RBM26: variants seen among roughly 807,000 people sequenced by gnomAD.
RBM26 encodes the protein RNA-binding protein 26.
In RBM26, 30 loss-of-function variants were observed where a neutral mutation model predicts 123.6. The ratio of observed to expected loss-of-function variants is 0.24; its 90% CI spans 0.18 to 0.33. RBM26 has a LOEUF of 0.33. RBM26 is among the 10% of genes least tolerant of loss of function. The pLI is 1.00. For synonymous variants in RBM26, 400 were observed against 404.4 expected, an observed-to-expected ratio of 0.99 and a Z score of 0.13; for missense variants, 947 against 1,203.6, an observed-to-expected ratio of 0.79 and a Z score of 3.15.
At chr13:79,382,674 T>C (rs1180422117) in intron 1 of RBM26, among the ~76,000 whole-genome samples, 1 of 152,076 alleles carries the variant, frequency 6.6e-6, no homozygotes. Context: ...AGCACTTTAG[T>C]AAACGGTTAA....
Position 79,405,862 on chromosome 13 carries a change from G to T in RBM26, c.-88C>A. The T allele has an allele frequency of 1.3e-6, 1 of 765,990 alleles. No individual in the cohort carries two copies. The allele number at this position is 765,990 out of a possible 1,614,324, so 47.4% of individuals were successfully genotyped here. On this transcript the variant is annotated 5_prime_UTR_variant, in exon 1 of 22. Coordinates refer to ENST00000438737, the MANE Select transcript of RBM26 (RefSeq NM_001366735.2). Reference sequence around the variant, plus strand: ...CCGCTGCCCCCGCCCCCTCCTCCGCGCGCCGCCCGCGTGGGCCGCGGTGGG... The same window carrying T: ...CCGCTGCCCCCGCCCCCTCCTCCGCTCGCCGCCCGCGTGGGCCGCGGTGGG...
At chr13:79,345,956 T>G (rs2072261859) in intron 14 of RBM26, among the ~76,000 whole-genome samples, 1 of 152,234 alleles carries the variant, frequency 6.6e-6, no homozygotes, top group African/African-American at 2.4e-5. Flanking sequence ...TAGGAATCCC[T>G]GTAGGGTGAT....
At chr13:79,312,537 C>T (rs888490104) in exon 5 of RBM26, 4 of 151,932 alleles carry the variant, frequency 2.6e-5, no homozygotes, top group Non-Finnish European at 5.9e-5. Context: ...GAGTGACAGA[C>T]ATGGGAATTT....
At chr13:79,324,666 T>A (rs1391036931) in intron 20 of RBM26, among the ~76,000 whole-genome samples, 1 of 151,900 alleles carries the variant, frequency 6.6e-6, no homozygotes, top group Non-Finnish European at 1.5e-5. Context: ...TTTATGAATA[T>A]CGTGCCATAC....
At chr13:79,384,014 T>C (rs142877892) in intron 1 of RBM26, among the ~76,000 whole-genome samples, 134 of 152,236 alleles carry the variant, frequency 8.8e-4, no homozygotes, top group African/African-American at 3.2e-3. Flanking sequence ...TTGACCTTCT[T>C]GACACATATG....
chr13:79,348,572 C>T (rs1004928377), intron 14 of RBM26, among the ~76,000 whole-genome samples: 1 of 152,020 alleles, frequency 6.6e-6, no homozygotes, highest in African/African-American at 2.4e-5. Flanking sequence ...GCCACACTCA[C>T]AATAAATAGC....
intron 8 of RBM26, 51 bp downstream of exon 8, chr13:79,366,003 CT>C: frequency 1.3e-6 from 2 of 1,512,606 alleles, no homozygotes; most frequent in Non-Finnish European, 1.8e-6. Context: ...TTTTAAAATT[CT>C]TCATCTAAAA....
At position 79,370,999 on chromosome 13, in the gene RBM26, C is replaced by G; in HGVS notation, c.580G>C (p.Glu194Gln). Residue 194 changes from glutamate (E) to glutamine (Q), a missense_variant, in exon 5 of 22, where the codon GAG (glutamate) becomes CAG (glutamine). Coordinates refer to ENST00000438737, the MANE Select transcript of RBM26 (RefSeq NM_001366735.2). Reference sequence around the variant, plus strand: ...GTCCTGCTTCTATCTCTGTCCCTCTCACGAAGCCTCTCTTTACTCCAACTT... The same window carrying G: ...GTCCTGCTTCTATCTCTGTCCCTCTGACGAAGCCTCTCTTTACTCCAACTT... ...SRSWSKERLR[E>Q]RDRDRSRTRS... The G allele has an allele frequency of 1.3e-6, 2 of 1,596,056 alleles. No homozygotes were observed. The highest frequency in any genetic ancestry group is 1.7e-6 in the Non-Finnish European group (2 of 1,163,512).
chr13:79,365,901 T>C, intron 8 of RBM26, 154 bp downstream of exon 8: 3 of 974,962 alleles, frequency 3.1e-6, no homozygotes, highest in South Asian at 1.9e-5. Context: ...TTTGAAAACA[T>C]TCAAAACTGA....
intron 16 of RBM26, among the ~76,000 whole-genome samples, chr13:79,343,804 T>C (rs2071835131): frequency 6.6e-6 from 1 of 152,092 alleles, no homozygotes; most frequent in South Asian, 2.1e-4. Context: ...AGATCTAGTG[T>C]ATATTTTACA....
chr13:79,337,371 G>C, intron 18 of RBM26, 69 bp from the exon 19 acceptor site: 1 of 1,535,616 alleles, frequency 6.5e-7, no homozygotes, highest in South Asian at 1.1e-5. Flanking sequence ...ATTACACTCT[G>C]GCAGATGAAT....
At chr13:79,326,818 T>A (rs2068493542) in intron 20 of RBM26, among the ~76,000 whole-genome samples, 1 of 152,018 alleles carries the variant, frequency 6.6e-6, no homozygotes, top group African/African-American at 2.4e-5. Flanking sequence ...AATCTTACTT[T>A]TGAAAATCAT....
intron 1 of RBM26, among the ~76,000 whole-genome samples, chr13:79,381,876 GA>G (rs2077097384): frequency 1.3e-5 from 1 of 78,650 alleles, no homozygotes; most frequent in South Asian, 5.7e-4. Context: ...TTGAAAGGCA[GA>G]TGACTTTTTA....
Position 79,373,556 on chromosome 13 carries a change from CTA to C in RBM26, c.328-1628_328-1627del, listed in dbSNP as rs1444246585. Among the ~76,000 whole-genome samples the C allele has an allele frequency of 7.9e-4, 77 of 97,642 alleles. 1 individual carries two copies. Among genetic ancestry groups the C allele is most frequent in the Middle Eastern group, 7.2e-3 (1 of 138 alleles). The allele number at this position is 97,642 out of a possible 152,430, so 64.1% of individuals were successfully genotyped here. On this transcript the variant is annotated intron_variant, in intron 3 of 21. Coordinates refer to ENST00000438737, the MANE Select transcript of RBM26 (RefSeq NM_001366735.2). Reference sequence around the variant, plus strand: ...ATTTATATAATATATTTATATATTACTATATATATTTATATAATATATTTATA... The same window carrying C: ...ATTTATATAATATATTTATATATTACTATATATTTATATAATATATTTATA...
downstream of RBM26, among the ~76,000 whole-genome samples, chr13:79,316,192 G>GGGGTGTGTGTGT (rs1258977045): frequency 9.2e-5 from 13 of 141,998 alleles, no homozygotes; most frequent in South Asian, 2.4e-4. Context: ...AAGTGGGGCA[G>GGGGTGTGTGTGT]GTGTGTGTGT....
intron 1 of RBM26, among the ~76,000 whole-genome samples, chr13:79,393,098 A>G (rs1181332095): frequency 6.6e-6 from 1 of 152,224 alleles, no homozygotes; most frequent in Non-Finnish European, 1.5e-5. Flanking sequence ...AAGAACTACA[A>G]GAGATTACCA....
In RBM26 at chr13:79,368,825, G is replaced by T. The variant is rs769596347; in HGVS notation, c.800C>A (p.Thr267Asn). 6.2e-7 allele frequency: 1 copy of T among 1,613,824 alleles called. No individual in the cohort carries two copies. The highest frequency in any genetic ancestry group is 8.5e-7 in the Non-Finnish European group (1 of 1,179,728). The change falls in exon 6 of 22, where the codon ACT (threonine) becomes AAT (asparagine). Residue 267 changes from threonine to asparagine, a missense_variant. Transcript: ENST00000438737. ...VIAPTHHGNN[T>N]TESWSEFHED... ...ATGAAATTCAGACCAACTTTCGGTA[G>T]TGTTGTTTCCATGATGAGTAGGAGC...
intron 20 of RBM26, among the ~76,000 whole-genome samples, chr13:79,332,542 A>G (rs1312512362): frequency 6.6e-6 from 1 of 152,204 alleles, no homozygotes; most frequent in East Asian, 1.9e-4. Flanking sequence ...ATGCTTTAAC[A>G]ACTTTTGTAA....
At chr13:79,397,680 C>CAAAAAAAAAAAAAAA (rs561587209) in intron 1 of RBM26, among the ~76,000 whole-genome samples, 2 of 63,258 alleles carry the variant, frequency 3.2e-5, no homozygotes, top group Non-Finnish European at 5.4e-5. Context: ...GACTCCATCT[C>CAAAAAAAAAAAAAAA]AAAAAAAAAA....
Sources: allele counts gnomAD v4.1 joint callset (sites outside exome capture counted in the v4.1 genomes callset), GRCh38; gene constraint gnomAD v4.1.1; transcripts MANE v1.5; gene names NCBI Gene and HGNC (gene_info 2026-07-23, HGNC 2026-07-21).